MAGI1: variants seen among roughly 807,000 people sequenced by gnomAD.
MAGI1 encodes membrane associated guanylate kinase, WW and PDZ domain containing 1, also known as membrane-associated guanylate kinase, WW and PDZ domain-containing protein 1.
MAGI1 carries 58 observed loss-of-function variants against 139.9 expected under a neutral mutation model. The ratio of observed to expected loss-of-function variants is 0.41; its 90% CI spans 0.34 to 0.52. The LOEUF (loss-of-function observed/expected upper bound fraction) is 0.52, where lower values mean the gene tolerates loss of function less well. Ranked by LOEUF, MAGI1 falls within the 20% of genes least tolerant of loss-of-function variation. The pLI is 0.12. For missense variants in MAGI1, 1,874 were observed against 1,901.6 expected (o/e 0.99, Z 0.27); for synonymous variants, 812 against 737.9 (o/e 1.10, Z -1.63).
chr3:65,952,068 T>C (rs2063886767), intron 1 of MAGI1, among the ~76,000 whole-genome samples: 1 of 152,208 alleles, frequency 6.6e-6, no homozygotes, highest in South Asian at 2.1e-4. Context: ...CCTACATTCA[T>C]AATTCAAGGA....
chr3:65,361,348 A>C lies in MAGI1; in HGVS notation c.3496-11T>G. Reference sequence around the variant, plus strand: ...AATTTCATCACCAATCTGCCAAAGCAAAAGAAAACTAAGTGAGATTTGAAA... The same window carrying C: ...AATTTCATCACCAATCTGCCAAAGCCAAAGAAAACTAAGTGAGATTTGAAA... On this transcript the variant is annotated splice_polypyrimidine_tract_variant and intron_variant, in intron 21 of 22. Coordinates refer to ENST00000402939, the MANE Select transcript of MAGI1 (RefSeq NM_001033057.2). 6.2e-7 allele frequency: 1 copy of C among 1,612,432 alleles called. No homozygotes were observed.
chr3:65,944,618 A>C (rs1373904860), intron 1 of MAGI1, among the ~76,000 whole-genome samples: 2 of 152,192 alleles, frequency 1.3e-5, no homozygotes, highest in African/African-American at 2.4e-5. Context: ...GAGAGAAAGA[A>C]CAGAAGGAAG....
At chr3:65,873,280 C>T (rs549800661) in intron 1 of MAGI1, 2 of 152,340 alleles carry the variant, frequency 1.3e-5, no homozygotes, top group African/African-American at 4.8e-5. Context: ...AGTACATCTG[C>T]TGCTCTCTGG....
intron 1 of MAGI1, among the ~76,000 whole-genome samples, chr3:65,922,786 C>T (rs1400333971): frequency 6.6e-6 from 1 of 152,150 alleles, no homozygotes; most frequent in East Asian, 1.9e-4. Flanking sequence ...AAAGGAGAGA[C>T]AGTAATAAGA....
At chr3:65,942,310 A>G (rs905249229) in intron 1 of MAGI1, among the ~76,000 whole-genome samples, 12 of 152,144 alleles carry the variant, frequency 7.9e-5, no homozygotes, top group African/African-American at 2.9e-4. Context: ...CCTTACTGAG[A>G]GTGATTGGCT....
chr3:65,928,749 AC>A (rs760816192), intron 1 of MAGI1, among the ~76,000 whole-genome samples: 6 of 152,150 alleles, frequency 3.9e-5, no homozygotes, highest in Non-Finnish European at 8.8e-5. Flanking sequence ...TTTAAAACCT[AC>A]GTTTTCAAAT....
At chr3:65,953,631 G>A (rs2063970890) in intron 1 of MAGI1, among the ~76,000 whole-genome samples, 1 of 152,142 alleles carries the variant, frequency 6.6e-6, no homozygotes, top group Non-Finnish European at 1.5e-5. Flanking sequence ...GGAGGCAGGT[G>A]TACAAGGCCA....
chr3:65,951,983 A>C (rs2063882221), intron 1 of MAGI1, among the ~76,000 whole-genome samples: 3 of 152,250 alleles, frequency 2.0e-5, no homozygotes, highest in Non-Finnish European at 4.4e-5. Context: ...TGAGATTGCA[A>C]TGTGATATTA....
intron 1 of MAGI1, among the ~76,000 whole-genome samples, chr3:65,810,622 C>T (rs2041165447): frequency 1.3e-5 from 2 of 152,214 alleles, no homozygotes; most frequent in Non-Finnish European, 2.9e-5. Flanking sequence ...GGTTTCATCT[C>T]TGTCAGGAAT....
At chr3:65,750,234 G>A (rs756327151) in intron 1 of MAGI1, among the ~76,000 whole-genome samples, 1 of 152,124 alleles carries the variant, frequency 6.6e-6, no homozygotes, top group Non-Finnish European at 1.5e-5. Flanking sequence ...GCTGATGGAG[G>A]GCAGGAACAG....
intron 1 of MAGI1, among the ~76,000 whole-genome samples, chr3:65,890,562 C>T (rs933543006): frequency 8.5e-5 from 13 of 152,156 alleles, no homozygotes; most frequent in South Asian, 4.1e-4. Flanking sequence ...CCAAAATTTC[C>T]CAAAGGACTT....
chr3:65,545,658 T>G (rs538578551), intron 2 of MAGI1, among the ~76,000 whole-genome samples: 1 of 152,230 alleles, frequency 6.6e-6, no homozygotes, highest in South Asian at 2.1e-4. Flanking sequence ...GGACCAAGCT[T>G]GATCTAAGGT....
At chr3:65,395,883 G>C (rs1575601647) in intron 13 of MAGI1, among the ~76,000 whole-genome samples, 1 of 151,946 alleles carries the variant, frequency 6.6e-6, no homozygotes, top group Non-Finnish European at 1.5e-5. Context: ...GTCGCTACTG[G>C]GTGGTGAATG....
intron 13 of MAGI1, among the ~76,000 whole-genome samples, chr3:65,398,361 C>T (rs1944561025): frequency 6.6e-6 from 1 of 152,070 alleles, no homozygotes; most frequent in Non-Finnish European, 1.5e-5. Flanking sequence ...ATTAGCCAGG[C>T]ATGGTGGTGC....
At chr3:65,588,381 T>C (rs2081796641) in intron 2 of MAGI1, among the ~76,000 whole-genome samples, 1 of 152,006 alleles carries the variant, frequency 6.6e-6, no homozygotes, top group South Asian at 2.1e-4. Context: ...GGTGTATTAA[T>C]AACAAAAAGA....
At chr3:65,970,331 C>T (rs1048174110) in intron 1 of MAGI1, among the ~76,000 whole-genome samples, 16 of 151,890 alleles carry the variant, frequency 1.1e-4, no homozygotes, top group Non-Finnish European at 1.3e-4. Flanking sequence ...TGCCAGGGAT[C>T]GGGGGTACCA....
chr3:65,426,336 T>C (rs2107315820), intron 12 of MAGI1, among the ~76,000 whole-genome samples: 1 of 152,222 alleles, frequency 6.6e-6, no homozygotes, highest in African/African-American at 2.4e-5. Flanking sequence ...CTAAAACTAC[T>C]AAAAATGAAA....
chr3:65,689,347 C>T (rs569315326), intron 1 of MAGI1, among the ~76,000 whole-genome samples: 24 of 152,216 alleles, frequency 1.6e-4, no homozygotes, highest in Non-Finnish European at 1.6e-4. Context: ...TTCCTAACTG[C>T]TCAATTCTAC....
intron 2 of MAGI1, among the ~76,000 whole-genome samples, chr3:65,506,719 A>G (rs1179597674): frequency 6.6e-6 from 1 of 152,166 alleles, no homozygotes; most frequent in East Asian, 1.9e-4. Context: ...AATTGCCCTA[A>G]TTCCATGTTA....
Sources: gnomAD v4.1 joint callset for allele counts (sites outside exome capture counted in the v4.1 genomes callset) on GRCh38, gnomAD v4.1.1 for gene constraint, MANE v1.5 for transcripts, NCBI Gene and HGNC (gene_info 2026-07-23, HGNC 2026-07-21) for gene names.